CSMD1: variants seen among roughly 807,000 people sequenced by gnomAD.
The protein encoded by CSMD1 is CUB and Sushi multiple domains 1.
A neutral mutation model predicts 417.5 loss-of-function variants in CSMD1; 213 were observed. The observed-to-expected ratio is 0.51, with a 90% CI of 0.46 to 0.57. The LOEUF (loss-of-function observed/expected upper bound fraction) is 0.57, where lower values mean the gene tolerates loss of function less well. Ranked by LOEUF, CSMD1 falls within the 20% of genes least tolerant of loss-of-function variation. The pLI is 0.00. For missense variants in CSMD1, 6,923 were observed against 4,529.7 expected (o/e 1.53, Z -15.17); for synonymous variants, 2,862 against 1,736.8 (o/e 1.65, Z -16.11).
chr8:3,044,768 T>C (rs1443040234), intron 50 of CSMD1, among the ~76,000 whole-genome samples: 2 of 152,266 alleles, frequency 1.3e-5, no homozygotes, highest in African/African-American at 4.8e-5. Flanking sequence ...TAATTGTATT[T>C]ACCATTTGCA....
At chr8:4,135,823 G>T (rs1200651457) in intron 3 of CSMD1, among the ~76,000 whole-genome samples, 1 of 152,100 alleles carries the variant, frequency 6.6e-6, no homozygotes, top group Non-Finnish European at 1.5e-5. Flanking sequence ...TAAACAATGG[G>T]ATAGATGTAA....
chr8:4,377,797 G>A (rs188300351), intron 3 of CSMD1, among the ~76,000 whole-genome samples: 18 of 152,222 alleles, frequency 1.2e-4, no homozygotes, highest in East Asian at 3.9e-4. Flanking sequence ...ATATCCAAGC[G>A]TTGTACAATT....
intron 3 of CSMD1, among the ~76,000 whole-genome samples, chr8:4,378,039 G>C (rs771834953): frequency 3.3e-5 from 5 of 152,130 alleles, no homozygotes; most frequent in Non-Finnish European, 7.3e-5. Context: ...TAATATACAG[G>C]TAAGTGTAAC....
rs191058675 is a variant in CSMD1 at position 3,851,532 on chromosome 8, T to C, written c.819-97490A>G. On this transcript the variant is annotated intron_variant, in intron 5 of 69. Transcript: ENST00000635120. ...TGGCTCTGTTTGATCAGGTGGTCCCTGAAAGGTGAGCCTCTGCACCTTGAG... is the reference window on the plus strand; with the variant it reads ...TGGCTCTGTTTGATCAGGTGGTCCCCGAAAGGTGAGCCTCTGCACCTTGAG... 1.3e-4 allele frequency among the ~76,000 whole-genome samples: 20 copies of C among 152,330 alleles called. No individual in the cohort carries two copies. In the East Asian group the frequency reaches 3.3e-3, roughly 25 times the overall value.
At chr8:4,233,322 C>T (rs1458749982) in intron 3 of CSMD1, among the ~76,000 whole-genome samples, 1 of 152,180 alleles carries the variant, frequency 6.6e-6, no homozygotes, top group Non-Finnish European at 1.5e-5. Flanking sequence ...TGTTAAAAAC[C>T]TCTCTTCATT....
At chr8:2,997,546 T>C (rs1279774995) in intron 54 of CSMD1, among the ~76,000 whole-genome samples, 3 of 152,080 alleles carry the variant, frequency 2.0e-5, no homozygotes, top group Admixed American at 6.5e-5. Context: ...CTCAAACATC[T>C]AGAAATGCAA....
At chr8:4,352,882 A>G (rs1159637411) in intron 3 of CSMD1, among the ~76,000 whole-genome samples, 1 of 152,206 alleles carries the variant, frequency 6.6e-6, no homozygotes, top group African/African-American at 2.4e-5. Context: ...CGTCAGCCAT[A>G]ATTACCTCAG....
intron 5 of CSMD1, among the ~76,000 whole-genome samples, chr8:3,978,920 T>A (rs1169551894): frequency 8.5e-5 from 13 of 152,232 alleles, no homozygotes; most frequent in African/African-American, 3.1e-4. Context: ...ATTAGCGTCC[T>A]AATGTGCATT....
chr8:4,826,975 T>C (rs1201016417), intron 1 of CSMD1, among the ~76,000 whole-genome samples: 2 of 152,130 alleles, frequency 1.3e-5, no homozygotes. Context: ...ACACGTTGAA[T>C]ACGACGGTAA....
chr8:3,256,926 C>G (rs1481622122), intron 26 of CSMD1, among the ~76,000 whole-genome samples: 1 of 152,132 alleles, frequency 6.6e-6, no homozygotes, highest in Non-Finnish European at 1.5e-5. Flanking sequence ...TGTTAACTAA[C>G]AAAATTTTAC....
chr8:4,673,011 G>A (rs1236614713), intron 1 of CSMD1, among the ~76,000 whole-genome samples: 1 of 151,890 alleles, frequency 6.6e-6, no homozygotes, highest in Non-Finnish European at 1.5e-5. Flanking sequence ...CATACATGGT[G>A]ACATGGCACA....
rs555632853 is a variant in CSMD1, at chr8:3,080,782, C to G, written c.7474+6315G>C. ...TTCTGGGACGTAGATATCAAAATCTCTATTTTACATGGCAGAAAGTAGGCT... is the reference window on the plus strand; with the variant it reads ...TTCTGGGACGTAGATATCAAAATCTGTATTTTACATGGCAGAAAGTAGGCT... On this transcript the variant is annotated intron_variant, in intron 49 of 69. Coordinates refer to ENST00000635120, the MANE Select transcript of CSMD1 (RefSeq NM_033225.6). Among the ~76,000 whole-genome samples, 9 of 152,288 alleles carry G rather than the reference C, an allele frequency of 5.9e-5. No homozygotes were observed. In the East Asian group the frequency reaches 1.7e-3, roughly 29 times the overall value.
chr8:3,210,597 G>A lies in CSMD1; in HGVS notation c.4867+3900C>T, dbSNP rs1166389417. ...ACATATGTGTATAAATTAATATATA[G>A]GTGTGTGTATAAATATATAGACAGG... On this transcript the variant is annotated intron_variant, in intron 30 of 69. Transcript: ENST00000635120. Among the ~76,000 whole-genome samples, 4 of 146,278 alleles carry A rather than the reference G, an allele frequency of 2.7e-5. No homozygotes were observed. In the East Asian group the frequency reaches 8.0e-4, roughly 29 times the overall value.
At chr8:3,118,003 C>A (rs2045636) in intron 42 of CSMD1, among the ~76,000 whole-genome samples, 3 of 152,100 alleles carry the variant, frequency 2.0e-5, no homozygotes, top group African/African-American at 7.2e-5. Context: ...AAAAGAAACA[C>A]CAAGGATCAA....
intron 1 of CSMD1, among the ~76,000 whole-genome samples, chr8:4,767,335 T>C (rs755997939): frequency 1.3e-5 from 2 of 152,208 alleles, no homozygotes; most frequent in African/African-American, 2.4e-5. Flanking sequence ...TTTTCAAATG[T>C]AGAGACTTGT....
intron 48 of CSMD1, among the ~76,000 whole-genome samples, chr8:3,090,984 G>A (rs989629531): frequency 2.0e-5 from 3 of 151,590 alleles, no homozygotes; most frequent in African/African-American, 7.3e-5. Context: ...GTATATAAAG[G>A]GCAAAATAAT....
intron 2 of CSMD1, among the ~76,000 whole-genome samples, chr8:4,612,814 C>T (rs974152246): frequency 3.9e-5 from 6 of 152,152 alleles, no homozygotes; most frequent in African/African-American, 1.2e-4. Flanking sequence ...CTCTTCCTGG[C>T]TTTGACAGAA....
At position 4,234,840 on chromosome 8, in the gene CSMD1, T is replaced by A. The variant is rs547932819; in HGVS notation, c.415+185113A>T. ...AGAGATAAGAACAGTCTCTGCACTG[T>A]GGGCGCCTTCTTGCTCTGTCCCCAC... is the stretch of plus-strand genomic sequence containing the variant. On this transcript the variant is annotated intron_variant, in intron 3 of 69. Coordinates refer to ENST00000635120, the MANE Select transcript of CSMD1 (RefSeq NM_033225.6). Among the ~76,000 whole-genome samples, 14 of 152,254 alleles carry A rather than the reference T, an allele frequency of 9.2e-5. No homozygotes were observed. In the South Asian group the frequency reaches 1.5e-3, roughly 16 times the overall value.
intron 3 of CSMD1, among the ~76,000 whole-genome samples, chr8:4,383,622 A>C (rs1803248533): frequency 6.6e-6 from 1 of 152,178 alleles, no homozygotes; most frequent in African/African-American, 2.4e-5. Flanking sequence ...TGCTGATTAA[A>C]CTGAGAATCA....
Sources: gnomAD v4.1 joint callset for allele counts (sites outside exome capture counted in the v4.1 genomes callset) on GRCh38, gnomAD v4.1.1 for gene constraint, MANE v1.5 for transcripts, NCBI Gene and HGNC (gene_info 2026-07-23, HGNC 2026-07-21) for gene names.